RIMS2: variants seen among roughly 807,000 people sequenced by gnomAD.
RIMS2 encodes regulating synaptic membrane exocytosis 2.
A neutral mutation model predicts 174.4 loss-of-function variants in RIMS2; 59 were observed. The observed-to-expected ratio is 0.34, with a 90% confidence interval of 0.27 to 0.42. RIMS2 has a LOEUF of 0.42. RIMS2 is among the 10% of genes least tolerant of loss of function. RIMS2 has a pLI of 1.00. For synonymous variants in RIMS2, 606 were observed against 572.5 expected (o/e 1.06, Z -0.84); for missense variants, 1,620 against 1,666.3 (o/e 0.97, Z 0.48).
At chr8:103,553,820 A>C (rs1849159486) in intron 1 of RIMS2, among the ~76,000 whole-genome samples, 1 of 151,454 alleles carries the variant, frequency 6.6e-6, no homozygotes, top group South Asian at 2.1e-4. Context: ...GGCTACTGTA[A>C]CTAAAACAGC....
At chr8:103,662,434 A>C (rs1376989804) in intron 1 of RIMS2, among the ~76,000 whole-genome samples, 2 of 152,208 alleles carry the variant, frequency 1.3e-5, no homozygotes, top group African/African-American at 4.8e-5. Context: ...TGTGAAAAAC[A>C]CATATTCTTA....
chr8:103,621,612 A>C (rs2095637454), intron 1 of RIMS2, among the ~76,000 whole-genome samples: 1 of 152,248 alleles, frequency 6.6e-6, no homozygotes, highest in African/African-American at 2.4e-5. Context: ...ATGTTAGCAC[A>C]GGTCTTTGAA....
exon 4 of RIMS2, chr8:103,886,200 A>C: frequency 5.0e-6 from 8 of 1,611,296 alleles, no homozygotes; most frequent in Non-Finnish European, 6.8e-6. Flanking sequence ...GTTGAGATTG[A>C]AAGTGAGAGT....
chr8:103,957,958 T>C (rs1325071975), intron 14 of RIMS2, among the ~76,000 whole-genome samples: 3 of 151,744 alleles, frequency 2.0e-5, no homozygotes, highest in Non-Finnish European at 4.4e-5. Context: ...TTGGTGGGAG[T>C]GTAAATTAGT....
rs139213446 is a variant in RIMS2, at chr8:103,654,979, G to A, written c.177-42107G>A. On this transcript the variant is annotated intron_variant, in intron 1 of 23. Coordinates refer to ENST00000504942, the Ensembl canonical transcript of RIMS2. ...TTTATATAAATTCCATTTTGCGGTT[G>A]TTGAAAAATCTAATGATGATGTAGG... Among the ~76,000 whole-genome samples, 77 of 151,900 alleles carry A rather than the reference G, an allele frequency of 5.1e-4. No homozygotes were observed. In the Middle Eastern group the frequency reaches 0.01, roughly 20 times the overall value.
At chr8:104,078,752 C>T (rs9656861) in intron 19 of RIMS2, among the ~76,000 whole-genome samples, 39,063 of 152,086 alleles carry the variant, frequency 0.26, 5,421 homozygotes, top group South Asian at 0.38. Flanking sequence ...GGCAACTAAC[C>T]GTAGCTGTTT....
chr8:103,822,086 A>AG (rs919781509), intron 3 of RIMS2, among the ~76,000 whole-genome samples: 1 of 151,252 alleles, frequency 6.6e-6, no homozygotes, highest in Non-Finnish European at 1.5e-5. Flanking sequence ...AATTGATAGA[A>AG]AAAAGCCATC....
chr8:103,931,964 T>C (rs1240189489), intron 12 of RIMS2, among the ~76,000 whole-genome samples: 1 of 152,184 alleles, frequency 6.6e-6, no homozygotes, highest in Non-Finnish European at 1.5e-5. Flanking sequence ...TAAATGGTAT[T>C]GTTCTACCCT....
chr8:103,983,254 A>G (rs1252205455), intron 16 of RIMS2, among the ~76,000 whole-genome samples: 1 of 152,238 alleles, frequency 6.6e-6, no homozygotes, highest in Non-Finnish European at 1.5e-5. Flanking sequence ...GATGGCACAC[A>G]CAAAAATAGA....
chr8:103,792,276 A>G (rs1019215100), intron 3 of RIMS2, among the ~76,000 whole-genome samples: 2 of 152,092 alleles, frequency 1.3e-5, no homozygotes, highest in Non-Finnish European at 2.9e-5. Context: ...CTCACTCAAA[A>G]CCTCTCACCT....
At chr8:103,605,233 C>T (rs2133923755) in intron 1 of RIMS2, among the ~76,000 whole-genome samples, 1 of 131,992 alleles carries the variant, frequency 7.6e-6, no homozygotes, top group African/African-American at 3.1e-5. Context: ...TTGTCAAAGG[C>T]TTTTTCTGCA....
At chr8:103,995,405 A>G (rs545273810) in intron 17 of RIMS2, among the ~76,000 whole-genome samples, 46 of 152,072 alleles carry the variant, frequency 3.0e-4, no homozygotes, top group African/African-American at 1.1e-3. Context: ...TGAACTGGAA[A>G]AGGCATCACA....
intron 19 of RIMS2, chr8:104,223,519 G>A (rs1481055179): frequency 2.8e-6 from 4 of 1,412,590 alleles, no homozygotes; most frequent in Admixed American, 6.0e-5. Flanking sequence ...GGAGGCAGGG[G>A]CCAGAGCCTC....
intron 3 of RIMS2, among the ~76,000 whole-genome samples, chr8:103,828,631 A>G (rs2154478139): frequency 6.6e-6 from 1 of 151,114 alleles, no homozygotes; most frequent in South Asian, 2.1e-4. Context: ...TGGAGCCTTT[A>G]TGTCATGAAA....
intron 1 of RIMS2, among the ~76,000 whole-genome samples, chr8:103,525,088 G>A (rs1833329983): frequency 6.6e-6 from 1 of 152,162 alleles, no homozygotes. Context: ...TATAAAGCCA[G>A]CACAGGAAGA....
intron 4 of RIMS2, 65 bp downstream of exon 7, chr8:103,886,288 A>C (rs1290300292): frequency 7.3e-7 from 1 of 1,365,230 alleles, no homozygotes; most frequent in African/African-American, 1.5e-5. Flanking sequence ...AATAGATTGC[A>C]TTTCTGAGTG....
chr8:104,100,823 A>G (rs941558651), intron 19 of RIMS2, among the ~76,000 whole-genome samples: 1 of 140,996 alleles, frequency 7.1e-6, no homozygotes, highest in Non-Finnish European at 1.5e-5. Context: ...ATTATATTAT[A>G]TATGTAATAT....
At chr8:104,093,608 C>T in intron 19 of RIMS2, 9 of 1,597,082 alleles carry the variant, frequency 5.6e-6, no homozygotes, top group Non-Finnish European at 7.6e-6. Context: ...ACATGTCTGT[C>T]CAATCAGAAC....
At chr8:104,157,043 C>T (rs1022313931) in intron 19 of RIMS2, among the ~76,000 whole-genome samples, 3 of 152,120 alleles carry the variant, frequency 2.0e-5, no homozygotes, top group Admixed American at 6.5e-5. Flanking sequence ...GTGCCTTTAC[C>T]ACTAAATTTA....
Sources: allele counts gnomAD v4.1 joint callset (sites outside exome capture counted in the v4.1 genomes callset), GRCh38; gene constraint gnomAD v4.1.1; transcripts MANE v1.5; gene names NCBI Gene and HGNC (gene_info 2026-07-23, HGNC 2026-07-21).